The following KLHL32 variants were observed in gnomAD, a reference collection of about 807,000 sequenced individuals.
The protein encoded by KLHL32 is kelch-like protein 32.
KLHL32 carries 35 observed loss-of-function variants against 64.8 expected under a neutral mutation model. The ratio of observed to expected loss-of-function variants is 0.54; its 90% confidence interval spans 0.41 to 0.72. The LOEUF is 0.72. Ranked by LOEUF, KLHL32 falls within the 30% of genes least tolerant of loss-of-function variation. The probability of loss-of-function intolerance (pLI) is 0.00; values close to 1 mark genes in which losing one functional copy is unlikely to be tolerated. For missense variants in KLHL32, 589 were observed against 768.5 expected, an observed-to-expected ratio of 0.77 and a Z score of 2.76; for synonymous variants, 259 against 281.0, an observed-to-expected ratio of 0.92 and a Z score of 0.78.
intron 3 of KLHL32, among the ~76,000 whole-genome samples, chr6:97,018,205 G>A (rs182160658): frequency 2.0e-5 from 3 of 152,172 alleles, no homozygotes; most frequent in Admixed American, 2.0e-4. Flanking sequence ...AACAGAGAAA[G>A]CATGGAATGT....
chr6:97,082,709 ATCT>A (rs1178861143), intron 5 of KLHL32, among the ~76,000 whole-genome samples: 6 of 152,196 alleles, frequency 3.9e-5, no homozygotes, highest in African/African-American at 1.4e-4. Flanking sequence ...AAGAGACAGC[ATCT>A]TCTTATAGGC....
chr6:97,106,975 T>G (rs1469278754), intron 6 of KLHL32, among the ~76,000 whole-genome samples: 1 of 152,120 alleles, frequency 6.6e-6, no homozygotes, highest in Admixed American at 6.5e-5. Flanking sequence ...GCAGAATTTA[T>G]TTTTCTAATT....
At chr6:97,077,044 A>G (rs1791709139) in intron 5 of KLHL32, among the ~76,000 whole-genome samples, 1 of 152,202 alleles carries the variant, frequency 6.6e-6, no homozygotes, top group Non-Finnish European at 1.5e-5. Context: ...ACAGAGAGGA[A>G]GATCTAAAGA....
chr6:96,955,660 G>A (rs1197894831), intron 1 of KLHL32, among the ~76,000 whole-genome samples: 1 of 152,168 alleles, frequency 6.6e-6, no homozygotes, highest in Non-Finnish European at 1.5e-5. Context: ...CCCGAGGCCA[G>A]GCACGGTGGC....
intron 4 of KLHL32, among the ~76,000 whole-genome samples, chr6:97,059,598 T>C (rs1179624298): frequency 1.3e-5 from 2 of 152,214 alleles, no homozygotes; most frequent in East Asian, 3.8e-4. Context: ...GATATAGATG[T>C]GCAGTGCATG....
chr6:97,135,299 A>ATTC (rs770479934), intron 10 of KLHL32, among the ~76,000 whole-genome samples: 90 of 109,562 alleles, frequency 8.2e-4, no homozygotes, highest in Non-Finnish European at 1.1e-3. Flanking sequence ...AAATTTGTTA[A>ATTC]TTTTTTTTTT....
chr6:96,899,171 C>T, the KLHL32 span, among the ~76,000 whole-genome samples: 1 of 152,094 alleles, frequency 6.6e-6, no homozygotes, highest in Non-Finnish European at 1.5e-5. Context: ...AACATTTTTA[C>T]AGGGATTGGT....
At chr6:97,121,323 AG>A (rs1157401266) in intron 7 of KLHL32, among the ~76,000 whole-genome samples, 1 of 152,212 alleles carries the variant, frequency 6.6e-6, no homozygotes, top group East Asian at 1.9e-4. Context: ...ATTGTAAAAA[AG>A]AACTTCCAAA....
At chr6:96,956,046 T>C (rs1396333611) in intron 1 of KLHL32, among the ~76,000 whole-genome samples, 1 of 152,192 alleles carries the variant, frequency 6.6e-6, no homozygotes, top group African/African-American at 2.4e-5. Flanking sequence ...CTCACAATCA[T>C]ACTGGAAGGT....
chr6:97,045,645 A>G (rs1785804759), intron 4 of KLHL32, among the ~76,000 whole-genome samples: 2 of 152,238 alleles, frequency 1.3e-5, no homozygotes, highest in Admixed American at 6.5e-5. Flanking sequence ...TACACATGCA[A>G]ATATATGTGG....
At chr6:97,085,789 A>T (rs1479131560) in intron 6 of KLHL32, among the ~76,000 whole-genome samples, 10 of 152,204 alleles carry the variant, frequency 6.6e-5, no homozygotes, top group African/African-American at 2.4e-4. Context: ...AGCAGCTTGG[A>T]TCTCGAATGA....
In KLHL32 at chr6:96,993,816, G is replaced by A. The variant is rs1778146769; in HGVS notation, c.204+17639G>A. Among the ~76,000 whole-genome samples the A allele has an allele frequency of 3.3e-5, 5 of 152,150 alleles. No homozygotes were observed. In the South Asian group the frequency reaches 8.3e-4, roughly 25 times the overall value. ...TCTTTTCTGAGCCCCAATTCCCACA[G>A]GATGACATGAAGAGGGCCAGCTTGT... On this transcript the variant is annotated intron_variant, in intron 3 of 10. Transcript: ENST00000369261.
chr6:97,057,509 AC>A (rs1305964670), intron 4 of KLHL32, among the ~76,000 whole-genome samples: 4 of 151,358 alleles, frequency 2.6e-5, no homozygotes, highest in Non-Finnish European at 5.9e-5. Context: ...CTTATTTGCC[AC>A]CTGTCTTCTT....
the KLHL32 span, among the ~76,000 whole-genome samples, chr6:96,906,115 G>A: frequency 6.6e-6 from 1 of 152,182 alleles, no homozygotes; most frequent in Non-Finnish European, 1.5e-5. Context: ...TTTCATTTCT[G>A]TTGGATGTGA....
chr6:96,989,519 C>T (rs531722627), intron 3 of KLHL32, among the ~76,000 whole-genome samples: 1 of 152,218 alleles, frequency 6.6e-6, no homozygotes, highest in African/African-American at 2.4e-5. Context: ...TTATCTCTAG[C>T]TGCCTTTAAT....
At chr6:96,939,816 A>C (rs1278327252) in intron 1 of KLHL32, among the ~76,000 whole-genome samples, 2 of 152,098 alleles carry the variant, frequency 1.3e-5, no homozygotes, top group Admixed American at 6.6e-5. Context: ...CTAAGATGAG[A>C]TCTGATTACA....
intron 8 of KLHL32, among the ~76,000 whole-genome samples, chr6:97,128,293 G>A (rs569342740): frequency 6.6e-6 from 1 of 152,208 alleles, no homozygotes; most frequent in East Asian, 1.9e-4. Context: ...TTTAATGAAG[G>A]CATTTCTCTC....
intron 3 of KLHL32, among the ~76,000 whole-genome samples, chr6:96,986,291 G>A (rs1031891392): frequency 4.6e-5 from 7 of 152,154 alleles, no homozygotes; most frequent in African/African-American, 1.7e-4. Flanking sequence ...TAATGGGGGG[G>A]GCCTCCCAGT....
chr6:97,080,502 G>A (rs935397527), intron 5 of KLHL32, among the ~76,000 whole-genome samples: 1 of 152,214 alleles, frequency 6.6e-6, no homozygotes, highest in Non-Finnish European at 1.5e-5. Context: ...CTTAGATTTG[G>A]TAGAGGGAGA....
Sources: gnomAD v4.1 joint callset for allele counts (sites outside exome capture counted in the v4.1 genomes callset) on GRCh38, gnomAD v4.1.1 for gene constraint, MANE v1.5 for transcripts, NCBI Gene and HGNC (gene_info 2026-07-23, HGNC 2026-07-21) for gene names.